Variants in HEMK1 observed in about 807,000 individuals in gnomAD.
HEMK1 encodes the protein HemK methyltransferase 1, mitochondrial release factors N(5)-glutamine.
In HEMK1, 36 loss-of-function variants were observed where a neutral mutation model predicts 47.9. The ratio of observed to expected loss-of-function variants is 0.75; its 90% CI spans 0.58 to 0.99. The LOEUF (loss-of-function observed/expected upper bound fraction) is 0.99, where lower values mean the gene tolerates loss of function less well. HEMK1 is among the 50% of genes least tolerant of loss of function. The probability of loss-of-function intolerance (pLI) is 0.00; values close to 1 mark genes in which losing one functional copy is unlikely to be tolerated. For missense variants in HEMK1, 383 were observed against 434.5 expected (o/e 0.88, Z 1.05); for synonymous variants, 153 against 165.4 (o/e 0.93, Z 0.57).
chr3:50,574,737 T>G (rs1025590426), intron 4 of HEMK1, among the ~76,000 whole-genome samples: 1 of 152,132 alleles, frequency 6.6e-6, no homozygotes, highest in African/African-American at 2.4e-5. Context: ...ACAAGTACCT[T>G]AGTGGTCTCC....
intron 7 of HEMK1, 31 bp downstream of exon 7, chr3:50,577,906 G>A (rs1380895242): frequency 6.2e-7 from 1 of 1,607,324 alleles, no homozygotes; most frequent in South Asian, 1.1e-5. Flanking sequence ...CTTGAGAGAG[G>A]GAGACTAGAT....
chr3:50,578,780 A>G (rs2030225011), intron 7 of HEMK1, 41 bp from the exon 8 acceptor site: 8 of 1,371,038 alleles, frequency 5.8e-6, no homozygotes, highest in Non-Finnish European at 8.2e-6. Flanking sequence ...TTACCTCCCA[A>G]TGGGTTAGTC....
chr3:50,577,008 G>A, intron 4 of HEMK1, 44 bp from the exon 5 acceptor site: 1 of 1,610,674 alleles, frequency 6.2e-7, no homozygotes, highest in Non-Finnish European at 8.5e-7. Context: ...ACCCCCAGGA[G>A]CCACGTTGGC....
chr3:50,577,579 T>C lies in HEMK1; in HGVS notation c.614+6T>C, dbSNP rs1575938708. ...ACCCATGAGAATGCTCAGAGGTAGG[T>C]GGGGGAGTTGCACTTTGGGGCCTAA... On this transcript the variant is annotated splice_donor_region_variant and intron_variant, in intron 6 of 10. Coordinates refer to ENST00000232854, the MANE Select transcript of HEMK1 (RefSeq NM_016173.5). The C allele has an allele frequency of 6.2e-7, 1 of 1,613,266 alleles. No homozygotes were observed. Among genetic ancestry groups the C allele is most frequent in the Non-Finnish European group, 8.5e-7 (1 of 1,179,346 alleles).
Position 50,583,102 on chromosome 3 carries a change from C to T in HEMK1, c.*2685C>T, listed in dbSNP as rs1353643400. On this transcript the variant is annotated 3_prime_UTR_variant, in exon 11 of 11. Transcript: ENST00000232854. ...CACTGCCCGTGCAGCCTCCTTCAGC[C>T]AGAGCCCAGAGCATAGACAGGAGTG... 6.6e-6 allele frequency: 1 copy of T among 152,368 alleles called. No individual in the cohort carries two copies. The highest frequency in any genetic ancestry group is 1.5e-5 in the Non-Finnish European group (1 of 68,142). The allele number at this position is 152,368 out of a possible 1,614,324, so 9.4% of individuals were successfully genotyped here.
At chr3:50,571,581 C>T (rs367598575) in intron 2 of HEMK1, 129 bp from the exon 3 acceptor site, 2 of 897,888 alleles carry the variant, frequency 2.2e-6, no homozygotes, top group African/African-American at 3.3e-5. Flanking sequence ...GATGCTGCCC[C>T]CTCTGGGCCC....
Position 50,586,934 on chromosome 3 carries a change from G to C in HEMK1, c.*6517G>C, listed in dbSNP as rs1193956655. The C allele has an allele frequency of 6.6e-6, 1 of 151,922 alleles. No individual in the cohort carries two copies. Among genetic ancestry groups the C allele is most frequent in the South Asian group, 2.1e-4 (1 of 4,808 alleles). The allele number at this position is 151,922 out of a possible 1,614,324, so 9.4% of individuals were successfully genotyped here. ...TAGGACTACAGGTGTGAACAACCCT[G>C]CCTGGCTAATTTTTAATTTTTTTTT... is the stretch of plus-strand genomic sequence containing the variant. On this transcript the variant is annotated 3_prime_UTR_variant, in exon 11 of 11. Transcript: ENST00000232854.
Position 50,591,267 on chromosome 3 carries a change from C to A in HEMK1, c.*10850C>A, listed in dbSNP as rs1035958204. The A allele has an allele frequency of 2.0e-5, 3 of 152,252 alleles. No individual in the cohort carries two copies. The highest frequency in any genetic ancestry group is 7.2e-5 in the African/African-American group (3 of 41,448). 9.4% of individuals were successfully genotyped at this position (152,252 alleles called of 1,614,324 possible). On this transcript the variant is annotated 3_prime_UTR_variant, in exon 11 of 11. Coordinates refer to ENST00000232854, the MANE Select transcript of HEMK1 (RefSeq NM_016173.5). ...TTCCTGCACAGTCATTTATTAGGCA[C>A]CAACTGTAAGCCAGGCCCAGGAGGT...
chr3:50,593,742 T>C lies in HEMK1; in HGVS notation c.*13325T>C, dbSNP rs2031835450. On this transcript the variant is annotated 3_prime_UTR_variant, in exon 11 of 11. Transcript: ENST00000232854. ...ACAATGACAAATTTGTCTTTTCCTT[T>C]CTTTCTTTTTTTTTTTTTTGAGACA... 9.0e-6 allele frequency: 1 copy of C among 110,924 alleles called. No individual in the cohort carries two copies. 6.9% of individuals were successfully genotyped at this position (110,924 alleles called of 1,614,324 possible). A position where few individuals can be genotyped will look rare whatever the true frequency, so the allele number is the denominator to read the frequency against.
At chr3:50,577,422 G>A in intron 5 of HEMK1, 87 bp from the exon 6 acceptor site, 3 of 1,314,588 alleles carry the variant, frequency 2.3e-6, no homozygotes, top group East Asian at 4.6e-5. Flanking sequence ...TTCTGGTGGG[G>A]GGTTGGAGGA....
Position 50,582,659 on chromosome 3 carries a change from G to A in HEMK1, c.*2242G>A, listed in dbSNP as rs2030962790. 6.6e-6 allele frequency: 1 copy of A among 152,292 alleles called. No individual in the cohort carries two copies. Among genetic ancestry groups the A allele is most frequent in the African/African-American group, 2.4e-5 (1 of 41,460 alleles). 9.4% of individuals were successfully genotyped at this position (152,292 alleles called of 1,614,324 possible). ...GGCAGACACAGGGAGGAAGGACCCA[G>A]TGCCCTCAGGCGTCCATCTGATGCA... On this transcript the variant is annotated 3_prime_UTR_variant, in exon 11 of 11. Transcript: ENST00000232854.
rs554813077 is a variant in HEMK1 at position 50,588,412 on chromosome 3, C to G, written c.*7995C>G. The stretch of plus-strand genomic sequence containing the variant: ...GTCAGGAGAGGCGTGAGCAGGCTGC[C>G]GAGGCCAAATGCAGCCCAGGGCCTC... On this transcript the variant is annotated 3_prime_UTR_variant, in exon 11 of 11. Transcript: ENST00000232854. 4 of 152,310 alleles carry G rather than the reference C, an allele frequency of 2.6e-5. No individual in the cohort carries two copies. In the East Asian group the frequency reaches 7.7e-4, roughly 29 times the overall value. 9.4% of individuals were successfully genotyped at this position (152,310 alleles called of 1,614,324 possible). A position where few individuals can be genotyped will look rare whatever the true frequency, so the allele number is the denominator to read the frequency against.
At position 50,570,975 on chromosome 3, in the gene HEMK1, C is replaced by A; in HGVS notation, c.-130C>A. 1.6e-6 allele frequency: 1 copy of A among 633,764 alleles called. No individual in the cohort carries two copies. Among genetic ancestry groups the A allele is most frequent in the South Asian group, 2.3e-5 (1 of 43,520 alleles). The allele number at this position is 633,764 out of a possible 1,614,324, so 39.3% of individuals were successfully genotyped here. On this transcript the variant is annotated 5_prime_UTR_variant, in exon 2 of 11. Transcript: ENST00000232854. ...TGAGGACCAGAGCCATTTTGGGGCA[C>A]CAGAGCTTGTGACCTCTCCATCTCC...
intron 2 of HEMK1, 50 bp downstream of exon 2, chr3:50,571,382 T>C: frequency 7.2e-7 from 1 of 1,381,100 alleles, no homozygotes; most frequent in Non-Finnish European, 1.0e-6. Context: ...AGGGAGGACT[T>C]GGGGAAGGGA....
chr3:50,577,767 C>A, intron 6 of HEMK1, 59 bp from the exon 7 acceptor site: 2 of 1,559,886 alleles, frequency 1.3e-6, no homozygotes, highest in Non-Finnish European at 1.8e-6. Flanking sequence ...AGACCTCATT[C>A]TTGTAGTGAA....
chr3:50,593,470 T>TGCACCAGGGCTGTGCCC lies in HEMK1; in HGVS notation c.*13054_*13070dup, dbSNP rs1490396620. On this transcript the variant is annotated 3_prime_UTR_variant, in exon 11 of 11. Coordinates refer to ENST00000232854, the MANE Select transcript of HEMK1 (RefSeq NM_016173.5). ...CCTTCTCATTTTTTCTTACTGTGGC[T>TGCACCAGGGCTGTGCCC]GCACCAGGGCTGTGCCCCTCATGGA... 1 of 152,200 alleles carries TGCACCAGGGCTGTGCCC rather than the reference T, an allele frequency of 6.6e-6. No individual in the cohort carries two copies. The highest frequency in any genetic ancestry group is 1.5e-5 in the Non-Finnish European group (1 of 68,056). The allele number at this position is 152,200 out of a possible 1,614,324, so 9.4% of individuals were successfully genotyped here. A position where few individuals can be genotyped will look rare whatever the true frequency, so the allele number is the denominator to read the frequency against.
At position 50,592,455 on chromosome 3, in the gene HEMK1, G is replaced by C. The variant is rs987962342; in HGVS notation, c.*12038G>C. 3 of 152,130 alleles carry C rather than the reference G, an allele frequency of 2.0e-5. No homozygotes were observed. Among genetic ancestry groups the C allele is most frequent in the African/African-American group, 7.2e-5 (3 of 41,388 alleles). 9.4% of individuals were successfully genotyped at this position (152,130 alleles called of 1,614,324 possible). On this transcript the variant is annotated 3_prime_UTR_variant, in exon 11 of 11. Transcript: ENST00000232854. ...TGCCACCCTCCCTCCCTGATTCCTT[G>C]AATAAAATTCAGCCTTCCAAATTTT...
chr3:50,577,655 CAAG>C, intron 6 of HEMK1, 82 bp downstream of exon 6: 1 of 1,478,636 alleles, frequency 6.8e-7, no homozygotes, highest in Non-Finnish European at 9.5e-7. Flanking sequence ...TTTCTACTCC[CAAG>C]AAGGAGGAAG....
At chr3:50,572,034 C>A (rs1575895466) in intron 3 of HEMK1, 81 bp from the exon 4 acceptor site, 1 of 1,591,676 alleles carries the variant, frequency 6.3e-7, no homozygotes, top group East Asian at 2.3e-5. Context: ...TACCTTTGGC[C>A]ACAAGTGGTA....
Sources: gnomAD v4.1 joint callset for allele counts (sites outside exome capture counted in the v4.1 genomes callset) on GRCh38, gnomAD v4.1.1 for gene constraint, MANE v1.5 for transcripts, NCBI Gene and HGNC (gene_info 2026-07-23, HGNC 2026-07-21) for gene names.